The following ERI2 variants were observed in gnomAD, a reference collection of about 807,000 sequenced individuals.
ERI2 encodes ERI1 exoribonuclease 2.
Under a neutral mutation model 46.8 loss-of-function variants are expected in ERI2, and 35 were observed. That is an observed-to-expected ratio of 0.75 (90% CI 0.57 to 0.99). The LOEUF is 0.99. Among genes scored for constraint, ERI2 ranks in the 50% least tolerant of loss-of-function variants. The probability of loss-of-function intolerance (pLI) is 0.00; values close to 1 mark genes in which losing one functional copy is unlikely to be tolerated. For synonymous variants in ERI2, 224 were observed against 271.0 expected (o/e 0.83, Z 1.70); for missense variants, 695 against 796.2 (o/e 0.87, Z 1.53).
chr16:20,796,172 AG>A, downstream of ERI2: 3 of 853,920 alleles, frequency 3.5e-6, no homozygotes, highest in Non-Finnish European at 5.1e-6. Context: ...GGGTTGTTAC[AG>A]GGGTCCCAGA....
At chr16:20,800,591 A>G (rs2032179819) in intron 5 of ERI2, 189 bp from the exon 6 acceptor site, 1 of 389,440 alleles carries the variant, frequency 2.6e-6, no homozygotes, top group Non-Finnish European at 4.6e-6. Flanking sequence ...TGATGACTAA[A>G]TTTCAAAATG....
At position 20,803,446 on chromosome 16, in the gene ERI2, ATGG is replaced by A. The variant is rs2080816828; in HGVS notation, c.159_161del (p.His54del). The A allele has an allele frequency of 6.2e-7, 1 of 1,613,820 alleles. No homozygotes were observed. Among genetic ancestry groups the A allele is most frequent in the South Asian group, 1.1e-5 (1 of 91,040 alleles). Reference sequence around the variant, plus strand: ...GCCCAGACTTACTTATTTCCTGGCTATGGTGGTGCTTCCCATCATTCCAGCATG... The same window carrying A: ...GCCCAGACTTACTTATTTCCTGGCTATGGTGCTTCCCATCATTCCAGCATG... On this transcript the variant is annotated inframe_deletion, in exon 3 of 9. Coordinates refer to ENST00000357967, the MANE Select transcript of ERI2 (RefSeq NM_001142725.2).
At chr16:20,792,246 G>A, downstream of ERI2, 1 of 1,614,038 alleles carries the variant, frequency 6.2e-7, no homozygotes, top group East Asian at 2.2e-5. Context: ...CTATCGAATT[G>A]GACCATTTGA....
chr16:20,789,669 A>C (rs971127819), intron 9 of ERI2: 2 of 682,314 alleles, frequency 2.9e-6, no homozygotes, highest in Non-Finnish European at 5.1e-6. Context: ...TATATTATAA[A>C]GCAACTCTAT....
At chr16:20,792,351 C>G (rs2080621269), downstream of ERI2, 1 of 1,612,912 alleles carries the variant, frequency 6.2e-7, no homozygotes, top group Non-Finnish European at 8.5e-7. Context: ...AGAACTGATT[C>G]ATGTCAACTT....
chr16:20,800,496 T>C, intron 5 of ERI2, 94 bp from the exon 6 acceptor site: 1 of 708,034 alleles, frequency 1.4e-6, no homozygotes, highest in East Asian at 2.6e-5. Flanking sequence ...TAGAAGATCA[T>C]ATAAAATAGA....
chr16:20,797,665 A>C lies in ERI2; in HGVS notation c.*59T>G. On this transcript the variant is annotated 3_prime_UTR_variant, in exon 9 of 9. Transcript: ENST00000357967. Reference sequence around the variant, plus strand: ...TAAAAATAAAATAGTGTAAGATGTTATCAGAATACTCATGTTTGGAAATTC... The same window carrying C: ...TAAAAATAAAATAGTGTAAGATGTTCTCAGAATACTCATGTTTGGAAATTC... The C allele has an allele frequency of 6.9e-7, 1 of 1,451,234 alleles. No homozygotes were observed. Among genetic ancestry groups the C allele is most frequent in the Non-Finnish European group, 9.1e-7 (1 of 1,103,084 alleles). The allele number at this position is 1,451,234 out of a possible 1,614,324, so 89.9% of individuals were successfully genotyped here. A position where few individuals can be genotyped will look rare whatever the true frequency, so the allele number is the denominator to read the frequency against.
At chr16:20,796,239 G>A (rs2080720424), downstream of ERI2, 1 of 1,420,256 alleles carries the variant, frequency 7.0e-7, no homozygotes, top group African/African-American at 1.4e-5. Context: ...GCACAGAGCT[G>A]GGATCAAACT....
rs2080575696 is a variant in ERI2, at chr16:20,790,582, C to T, written c.815+268G>A. On this transcript the variant is annotated intron_variant, in intron 9 of 10. Coordinates refer to the ERI2 transcript ENST00000300005. The surrounding 1 kb of genome is among the most constrained non-coding windows in gnomAD (Gnocchi z 4.0). ...CCTTAAATAAATTGTTCTATTTTAT[C>T]CTAGATTGTAGATGTAAATGGCAAT... is the stretch of plus-strand genomic sequence containing the variant. 1 of 1,611,662 alleles carries T rather than the reference C, an allele frequency of 6.2e-7. No individual in the cohort carries two copies.
In ERI2 at chr16:20,790,613, A is replaced by G; in HGVS notation, c.815+237T>C. Reference sequence around the variant, plus strand: ...TTGTAGATGTAAATGGCAATGTTCTACCTCCTGGACAAGAAGGAGATATTG... The same window carrying G: ...TTGTAGATGTAAATGGCAATGTTCTGCCTCCTGGACAAGAAGGAGATATTG... On this transcript the variant is annotated intron_variant, in intron 9 of 10. Transcript: ENST00000300005. The surrounding 1 kb of genome is among the most constrained non-coding windows in gnomAD (Gnocchi z 4.0). 2 of 1,614,080 alleles carry G rather than the reference A, an allele frequency of 1.2e-6. No homozygotes were observed. Among genetic ancestry groups the G allele is most frequent in the Non-Finnish European group, 1.7e-6 (2 of 1,179,956 alleles).
downstream of ERI2, chr16:20,792,138 C>A: frequency 6.2e-7 from 1 of 1,614,080 alleles, no homozygotes; most frequent in Non-Finnish European, 8.5e-7. Context: ...GGGTAACTTT[C>A]TTTTCCATAT....
At chr16:20,781,836 G>C in intron 10 of ERI2, 4 of 1,403,784 alleles carry the variant, frequency 2.8e-6, no homozygotes, top group Non-Finnish European at 4.0e-6. Context: ...GGGAGAAGAG[G>C]AAGCTATAAA....
chr16:20,784,509 G>A (rs1390824108), intron 10 of ERI2: 1 of 152,714 alleles, frequency 6.5e-6, no homozygotes, highest in Non-Finnish European at 1.5e-5. Flanking sequence ...TGTTATTATG[G>A]TGCTCACTTC....
At chr16:20,795,046 C>A (rs1483309469), downstream of ERI2, among the ~76,000 whole-genome samples, 1 of 152,176 alleles carries the variant, frequency 6.6e-6, no homozygotes, top group Non-Finnish European at 1.5e-5. Flanking sequence ...AATGTTAATG[C>A]AGCAGAGCTA....
chr16:20,788,040 A>G (rs9925902), intron 10 of ERI2, among the ~76,000 whole-genome samples: 2,726 of 152,298 alleles, frequency 0.018, 78 homozygotes, highest in African/African-American at 0.062. Flanking sequence ...TTAGTACATA[A>G]TAAAGGTCCA....
Position 20,803,655 on chromosome 16 carries a change from A to G in ERI2, c.39T>C (p.Ile13=), listed in dbSNP as rs2080819417. The G allele has an allele frequency of 6.2e-7, 1 of 1,614,006 alleles. No individual in the cohort carries two copies. The change falls in exon 2 of 9, where the codon ATT becomes ATC. Residue 13 remains isoleucine (I), a synonymous_variant. Transcript: ENST00000357967. ...TTGCTGGCGCAATTGACTTTCTCCT[A>G]ATTAATCCAAGCTGCCTAAAAATGT... is the stretch of plus-strand genomic sequence containing the variant. ...TKRLARQLGL[I]RRKSIAPANG... is the part of the protein sequence containing the mutation.
intron 4 of ERI2, 53 bp downstream of exon 4, chr16:20,802,743 A>T: frequency 1.3e-6 from 2 of 1,561,788 alleles, no homozygotes; most frequent in Non-Finnish European, 1.7e-6. Context: ...TGGTATAATA[A>T]CTTTTATTTT....
chr16:20,790,760 C>T lies in ERI2; in HGVS notation c.815+90G>A. On this transcript the variant is annotated intron_variant, in intron 9 of 10. Coordinates refer to the ERI2 transcript ENST00000300005. The surrounding 1 kb of genome is among the most constrained non-coding windows in gnomAD (Gnocchi z 4.0). ...GCTTGGTAACAATCCCTGTTTGCCACAAAACATACCTAGGATAGGTACTTG... is the reference window on the plus strand; with the variant it reads ...GCTTGGTAACAATCCCTGTTTGCCATAAAACATACCTAGGATAGGTACTTG... 1 of 1,613,338 alleles carries T rather than the reference C, an allele frequency of 6.2e-7. No homozygotes were observed. Among genetic ancestry groups the T allele is most frequent in the Non-Finnish European group, 8.5e-7 (1 of 1,179,454 alleles).
chr16:20,799,059 A>G lies in ERI2; in HGVS notation c.741T>C (p.Thr247=). The G allele has an allele frequency of 1.3e-6, 2 of 1,505,320 alleles. No individual in the cohort carries two copies. Among genetic ancestry groups the G allele is most frequent in the South Asian group, 2.7e-5 (2 of 74,680 alleles). The allele number at this position is 1,505,320 out of a possible 1,614,324, so 93.2% of individuals were successfully genotyped here. A position where few individuals can be genotyped will look rare whatever the true frequency, so the allele number is the denominator to read the frequency against. ...TGGCCAGAATGCTGAAATTCTTCTTAGTGGGAACCTATGATTCCACAGACA... is the reference window on the plus strand; with the variant it reads ...TGGCCAGAATGCTGAAATTCTTCTTGGTGGGAACCTATGATTCCACAGACA... The part of the protein sequence containing the change: ...KITRSLNKVP[T]KKNFSILARN... The change falls in exon 9 of 9, where the codon ACT becomes ACC. Residue 247 remains threonine (T), a synonymous_variant. Coordinates refer to ENST00000357967, the MANE Select transcript of ERI2 (RefSeq NM_001142725.2).
Sources: gnomAD v4.1 joint callset for allele counts (sites outside exome capture counted in the v4.1 genomes callset) on GRCh38, gnomAD v4.1.1 for gene constraint, Gnocchi (gnomAD v3.1) non-coding constraint, MANE v1.5 for transcripts, NCBI Gene and HGNC (gene_info 2026-07-23, HGNC 2026-07-21) for gene names.